The following ZNF292 variants were observed in gnomAD, a reference collection of about 807,000 sequenced individuals.
ZNF292 encodes 16 zinc-finger domain protein.
Under a neutral mutation model 217.9 loss-of-function variants are expected in ZNF292, and 26 were observed. The ratio of observed to expected loss-of-function variants is 0.12; its 90% CI spans 0.09 to 0.17. The LOEUF (loss-of-function observed/expected upper bound fraction) is 0.17, where lower values mean the gene tolerates loss of function less well. Ranked by LOEUF, ZNF292 falls within the 10% of genes least tolerant of loss-of-function variation. ZNF292 has a pLI of 1.00. For missense variants in ZNF292, 2,904 were observed against 3,175.2 expected (o/e 0.91, Z 2.05); for synonymous variants, 1,257 against 1,124.1 (o/e 1.12, Z -2.37).
rs200241014 is a variant in ZNF292 at position 87,256,458 on chromosome 6, C to T, written c.2829C>T (p.Leu943=). Residue 943 remains leucine, a synonymous_variant, in exon 8 of 8, where the codon CTC becomes CTT. Transcript: ENST00000369577. The part of the protein sequence containing the change: ...SEVAVSIKVS[L]NQGIEDNFGK... ...TAGCTGTGTCCATTAAGGTGTCTCT[C>T]AATCAGGGGATTGAGGATAACTTTG... 38 of 1,608,380 alleles carry T rather than the reference C, an allele frequency of 2.4e-5. No individual in the cohort carries two copies. In the African/African-American group the frequency reaches 4.3e-4, roughly 18 times the overall value.
At chr6:87,237,006 C>G (rs1004451869) in intron 5 of ZNF292, among the ~76,000 whole-genome samples, 1 of 152,114 alleles carries the variant, frequency 6.6e-6, no homozygotes, top group African/African-American at 2.4e-5. Context: ...AAAGAATCAA[C>G]ACATTTTAAA....
At chr6:87,175,711 C>G (rs1771265273) in intron 1 of ZNF292, among the ~76,000 whole-genome samples, 1 of 152,178 alleles carries the variant, frequency 6.6e-6, no homozygotes, top group Non-Finnish European at 1.5e-5. Flanking sequence ...AGCAACCCAG[C>G]AGTTCAAAGA....
intron 1 of ZNF292, among the ~76,000 whole-genome samples, chr6:87,189,033 T>C (rs1469173052): frequency 6.6e-6 from 1 of 151,906 alleles, no homozygotes; most frequent in African/African-American, 2.4e-5. Flanking sequence ...GGCAAAACCC[T>C]GTCTCTACTA....
chr6:87,164,670 T>C (rs956617089), intron 1 of ZNF292, among the ~76,000 whole-genome samples: 6 of 152,170 alleles, frequency 3.9e-5, no homozygotes, highest in Non-Finnish European at 8.8e-5. Context: ...GCAAAAGTCA[T>C]TCGCATTCCT....
intron 7 of ZNF292, among the ~76,000 whole-genome samples, chr6:87,250,877 T>C (rs1490578362): frequency 2.0e-5 from 3 of 152,234 alleles, no homozygotes; most frequent in African/African-American, 4.8e-5. Flanking sequence ...AGTCTGTTGA[T>C]GGAAACTCAA....
Position 87,222,441 on chromosome 6 carries a change from A to G in ZNF292, c.538+3710A>G, listed in dbSNP as rs1773129722. Among the ~76,000 whole-genome samples, 13 of 152,306 alleles carry G rather than the reference A, an allele frequency of 8.5e-5. No individual in the cohort carries two copies. The South Asian group carries it at 2.7e-3, about 32-fold the overall frequency. ...CATAACAAGTGTTTGTGGCTGTGAA[A>G]AACTGGCTGTGACAGTTTTTCAGAC... On this transcript the variant is annotated intron_variant, in intron 4 of 7. Coordinates refer to ENST00000369577, the MANE Select transcript of ZNF292 (RefSeq NM_015021.3).
chr6:87,218,877 G>A (rs753752813), intron 4 of ZNF292, 146 bp downstream of exon 4: 173 of 780,602 alleles, frequency 2.2e-4, no homozygotes, highest in Non-Finnish European at 2.6e-4. Flanking sequence ...GAGGCCCTGC[G>A]CCTTTATTTT....
At chr6:87,236,522 A>C (rs1042193851) in intron 5 of ZNF292, among the ~76,000 whole-genome samples, 4 of 152,016 alleles carry the variant, frequency 2.6e-5, no homozygotes, top group Non-Finnish European at 5.9e-5. Flanking sequence ...GATTCTTGGT[A>C]TAGTAGTAAA....
At chr6:87,195,684 C>CA (rs1175696534) in intron 1 of ZNF292, among the ~76,000 whole-genome samples, 1 of 151,860 alleles carries the variant, frequency 6.6e-6, no homozygotes, top group Non-Finnish European at 1.5e-5. Flanking sequence ...ACTAAAAATA[C>CA]AAAAAATAGA....
chr6:87,172,573 A>G (rs1771136370), intron 1 of ZNF292, among the ~76,000 whole-genome samples: 2 of 152,052 alleles, frequency 1.3e-5, no homozygotes, highest in Non-Finnish European at 2.9e-5. Flanking sequence ...GATAAAAGGA[A>G]ACCTAATACC....
chr6:87,245,025 G>A (rs182921667), intron 6 of ZNF292, among the ~76,000 whole-genome samples: 15 of 152,184 alleles, frequency 9.9e-5, no homozygotes, highest in African/African-American at 3.6e-4. Context: ...CGGATCACCT[G>A]AGGTCAGGAG....
chr6:87,206,532 C>T (rs1772258841), intron 1 of ZNF292, among the ~76,000 whole-genome samples: 1 of 152,076 alleles, frequency 6.6e-6, no homozygotes, highest in South Asian at 2.1e-4. Context: ...GCGTTTATCT[C>T]CTAAGGCCAA....
rs768481819 is a variant in ZNF292 at position 87,260,253 on chromosome 6, T to G, written c.6624T>G (p.Thr2208=). 1.9e-6 allele frequency: 3 copies of G among 1,613,682 alleles called. No homozygotes were observed. The Admixed American group carries it at 5.0e-5, about 27-fold the overall frequency. The stretch of plus-strand genomic sequence containing the variant: ...CTCCTGAAGAAATTGAAAGTATGAC[T>G]GCTTCAGTGGATGTTGGGAAGTTTC... ...EMTPEEIESM[T]ASVDVGKFPC... The change falls in exon 8 of 8, where the codon ACT becomes ACG. Residue 2208 remains threonine, a synonymous_variant. Transcript: ENST00000369577.
intron 1 of ZNF292, among the ~76,000 whole-genome samples, chr6:87,176,445 C>T (rs1771296329): frequency 2.0e-5 from 3 of 152,090 alleles, no homozygotes; most frequent in South Asian, 4.1e-4. Context: ...GCGAGGGCAC[C>T]TCTGGAATGA....
intron 1 of ZNF292, among the ~76,000 whole-genome samples, chr6:87,177,325 C>CAAA (rs200520906): frequency 2.5e-5 from 3 of 121,532 alleles, no homozygotes; most frequent in Non-Finnish European, 5.3e-5. Context: ...AACTCCATCT[C>CAAA]AAAAAAAAAA....
chr6:87,165,645 G>A (rs1488040857), intron 1 of ZNF292, among the ~76,000 whole-genome samples: 1 of 151,962 alleles, frequency 6.6e-6, no homozygotes, highest in Non-Finnish European at 1.5e-5. Flanking sequence ...CAATTCAGTA[G>A]TAAGTAAAAA....
chr6:87,228,534 GT>G (rs1773482370), intron 4 of ZNF292, among the ~76,000 whole-genome samples: 2 of 152,154 alleles, frequency 1.3e-5, no homozygotes, highest in East Asian at 3.9e-4. Context: ...TTTCTCTATG[GT>G]TTCTTCTACG....
At chr6:87,187,462 T>C (rs1291952092) in intron 1 of ZNF292, among the ~76,000 whole-genome samples, 2 of 152,162 alleles carry the variant, frequency 1.3e-5, no homozygotes, top group African/African-American at 4.8e-5. Flanking sequence ...CTCACACCTA[T>C]AATCCTAGCA....
chr6:87,219,762 A>T (rs1049545252), intron 4 of ZNF292, among the ~76,000 whole-genome samples: 4 of 152,236 alleles, frequency 2.6e-5, no homozygotes, highest in African/African-American at 9.6e-5. Context: ...GGATATCCAA[A>T]AATTAGCTAC....
Sources: allele counts gnomAD v4.1 joint callset (sites outside exome capture counted in the v4.1 genomes callset), GRCh38; gene constraint gnomAD v4.1.1; transcripts MANE v1.5; gene names NCBI Gene and HGNC (gene_info 2026-07-23, HGNC 2026-07-21).